Variants in SLC6A11 observed in about 807,000 individuals in gnomAD.
SLC6A11 encodes solute carrier family 6 member 11.
In SLC6A11, 25 loss-of-function variants were observed where a neutral mutation model predicts 74.8. The observed-to-expected ratio is 0.33, with a 90% confidence interval of 0.24 to 0.47. The LOEUF (loss-of-function observed/expected upper bound fraction) is 0.47, where lower values mean the gene tolerates loss of function less well. SLC6A11 is among the 20% of genes least tolerant of loss of function. The probability of loss-of-function intolerance (pLI) is 1.00; values close to 1 mark genes in which losing one functional copy is unlikely to be tolerated. For synonymous variants in SLC6A11, 330 were observed against 330.2 expected, an observed-to-expected ratio of 1.00 and a Z score of 0.01; for missense variants, 574 against 837.0, an observed-to-expected ratio of 0.69 and a Z score of 3.88.
At chr3:10,840,760 G>A (rs1035936859) in intron 4 of SLC6A11, among the ~76,000 whole-genome samples, 11 of 152,202 alleles carry the variant, frequency 7.2e-5, no homozygotes, top group South Asian at 2.1e-4. Context: ...TCAAATCCAA[G>A]CTCTGTTTCT....
intron 6 of SLC6A11, among the ~76,000 whole-genome samples, chr3:10,909,109 CAAAAAAAA>C (rs34230224): frequency 9.6e-6 from 1 of 104,056 alleles, no homozygotes; most frequent in Admixed American, 9.8e-5. Context: ...ACATCCCCAG[CAAAAAAAA>C]AAAAAAAAAA....
At chr3:10,869,106 T>C (rs1163946944) in intron 5 of SLC6A11, among the ~76,000 whole-genome samples, 1 of 152,202 alleles carries the variant, frequency 6.6e-6, no homozygotes, top group Non-Finnish European at 1.5e-5. Flanking sequence ...TTATGTGCTA[T>C]ATACACTGTC....
intron 6 of SLC6A11, among the ~76,000 whole-genome samples, chr3:10,900,288 A>G (rs1312181545): frequency 1.3e-5 from 2 of 151,574 alleles, no homozygotes; most frequent in Non-Finnish European, 2.9e-5. Flanking sequence ...AGCTTTGAGC[A>G]CTCCTTTCCT....
intron 1 of SLC6A11, among the ~76,000 whole-genome samples, chr3:10,819,253 A>G (rs1694104328): frequency 6.6e-6 from 1 of 152,308 alleles, no homozygotes; most frequent in South Asian, 2.1e-4. Flanking sequence ...CTAAAGCTCC[A>G]TTTTACAGAT....
At chr3:10,822,242 G>T (rs1016092864) in intron 3 of SLC6A11, among the ~76,000 whole-genome samples, 1 of 152,198 alleles carries the variant, frequency 6.6e-6, no homozygotes. Context: ...CTCCTGCTCC[G>T]TGCTGGCCAT....
chr3:10,905,970 C>T (rs977099460), intron 6 of SLC6A11, among the ~76,000 whole-genome samples: 1 of 152,148 alleles, frequency 6.6e-6, no homozygotes, highest in Non-Finnish European at 1.5e-5. Context: ...TGATGATGAT[C>T]AAATATATGT....
chr3:10,913,132 T>C (rs1275563870), intron 7 of SLC6A11, among the ~76,000 whole-genome samples: 1 of 151,390 alleles, frequency 6.6e-6, no homozygotes, highest in East Asian at 1.9e-4. Context: ...GATTCTCATA[T>C]ATCATCCCAT....
At position 10,940,225 on chromosome 3, in the gene SLC6A11, G is replaced by C. The variant is rs766583363; in HGVS notation, c.*1823G>C. ...CATCCCACTCTCGTCTCCCTGAGCT[G>C]TCTGGTTCTGCGGACCCAGGAAGGG... On this transcript the variant is annotated 3_prime_UTR_variant, in exon 14 of 14. Transcript: ENST00000254488. 3.9e-5 allele frequency: 6 copies of C among 152,242 alleles called. No homozygotes were observed. Among genetic ancestry groups the C allele is most frequent in the African/African-American group, 7.2e-5 (3 of 41,456 alleles). 9.4% of individuals were successfully genotyped at this position (152,242 alleles called of 1,614,324 possible).
chr3:10,931,447 G>A (rs918688320), intron 10 of SLC6A11, among the ~76,000 whole-genome samples: 1 of 152,174 alleles, frequency 6.6e-6, no homozygotes, highest in African/African-American at 2.4e-5. Flanking sequence ...GTACTCCACA[G>A]AGAGGTGCCT....
chr3:10,818,092 AAAG>A (rs1338850884), intron 1 of SLC6A11, among the ~76,000 whole-genome samples: 1 of 151,324 alleles, frequency 6.6e-6, no homozygotes, highest in Non-Finnish European at 1.5e-5. Flanking sequence ...TTTTAAAAAA[AAAG>A]GTTGTAGTGA....
intron 5 of SLC6A11, among the ~76,000 whole-genome samples, chr3:10,872,234 T>A (rs1440114942): frequency 2.0e-5 from 3 of 152,236 alleles, no homozygotes; most frequent in Non-Finnish European, 4.4e-5. Context: ...CTGGGCAAGT[T>A]ATGAGTAACT....
At chr3:10,852,758 G>T (rs1694592061) in intron 5 of SLC6A11, among the ~76,000 whole-genome samples, 1 of 152,254 alleles carries the variant, frequency 6.6e-6, no homozygotes, top group Non-Finnish European at 1.5e-5. Flanking sequence ...AATCAAAGTG[G>T]TTTTGCTCTC....
chr3:10,908,866 C>T (rs576914390), intron 6 of SLC6A11, among the ~76,000 whole-genome samples: 1 of 152,068 alleles, frequency 6.6e-6, no homozygotes, highest in South Asian at 2.1e-4. Flanking sequence ...TTGCTATTAG[C>T]TTGAGTTTGA....
At chr3:10,858,831 C>T (rs974024580) in intron 5 of SLC6A11, among the ~76,000 whole-genome samples, 15 of 152,138 alleles carry the variant, frequency 9.9e-5, no homozygotes, top group African/African-American at 3.4e-4. Flanking sequence ...TCTGGTAAGT[C>T]AAGGAGACAT....
chr3:10,901,656 C>T (rs550917267), intron 6 of SLC6A11, among the ~76,000 whole-genome samples: 31 of 152,230 alleles, frequency 2.0e-4, no homozygotes, highest in Non-Finnish European at 3.7e-4. Flanking sequence ...TCTCCAAAGT[C>T]GTCTCCACCA....
intron 5 of SLC6A11, among the ~76,000 whole-genome samples, chr3:10,859,004 C>T (rs1053055511): frequency 2.0e-5 from 3 of 152,082 alleles, no homozygotes; most frequent in African/African-American, 7.2e-5. Context: ...AGGTAGAGAT[C>T]AGCTTATGAA....
chr3:10,890,600 C>T (rs1440752656), intron 6 of SLC6A11, among the ~76,000 whole-genome samples: 1 of 152,220 alleles, frequency 6.6e-6, no homozygotes, highest in African/African-American at 2.4e-5. Flanking sequence ...AAATTCCGCT[C>T]TAAATCCCAC....
chr3:10,853,761 A>G (rs1031493307), intron 5 of SLC6A11, among the ~76,000 whole-genome samples: 3 of 152,206 alleles, frequency 2.0e-5, no homozygotes, highest in African/African-American at 7.2e-5. Context: ...ATGGATGTGA[A>G]TCACATCTAT....
chr3:10,882,903 G>A (rs1353050533), intron 6 of SLC6A11, among the ~76,000 whole-genome samples: 3 of 152,168 alleles, frequency 2.0e-5, no homozygotes, highest in Non-Finnish European at 4.4e-5. Context: ...TGCACATGAG[G>A]CCCAGAGCAC....
Sources: allele counts gnomAD v4.1 joint callset (sites outside exome capture counted in the v4.1 genomes callset), GRCh38; gene constraint gnomAD v4.1.1; transcripts MANE v1.5; gene names NCBI Gene and HGNC (gene_info 2026-07-23, HGNC 2026-07-21).